The following FAT3 variants were observed in gnomAD, a reference collection of about 807,000 sequenced individuals.
FAT3 encodes the protein protocadherin Fat 3.
A neutral mutation model predicts 310.2 loss-of-function variants in FAT3; 95 were observed. The observed-to-expected ratio is 0.31, with a 90% CI of 0.26 to 0.36. FAT3 has a LOEUF of 0.36. Among genes scored for constraint, FAT3 ranks in the 10% least tolerant of loss-of-function variants. FAT3 has a pLI of 1.00. For synonymous variants in FAT3, 2,314 were observed against 2,192.9 expected (o/e 1.06, Z -1.54); for missense variants, 5,408 against 5,715.6 (o/e 0.95, Z 1.74).
At chr11:92,564,154 G>A (rs955736063) in intron 3 of FAT3, among the ~76,000 whole-genome samples, 2 of 152,158 alleles carry the variant, frequency 1.3e-5, no homozygotes, top group African/African-American at 2.4e-5. Flanking sequence ...CTCACATGCA[G>A]AGACACACAT....
At chr11:92,460,323 C>T (rs1428738692) in intron 2 of FAT3, among the ~76,000 whole-genome samples, 4 of 152,256 alleles carry the variant, frequency 2.6e-5, no homozygotes, top group African/African-American at 9.6e-5. Context: ...AGAGAGGTGC[C>T]ATCTGGGAAA....
chr11:92,765,102 C>T lies in FAT3; in HGVS notation c.4195+13C>T, dbSNP rs369899178. The stretch of plus-strand genomic sequence containing the variant: ...TTTGACATAGTTGGTAAGTTCGAGT[C>T]TTACAGAGCAGTATCATGCAATGTA... On this transcript the variant is annotated intron_variant, in intron 6 of 27. Transcript: ENST00000525166. The T allele has an allele frequency of 6.2e-7, 1 of 1,602,262 alleles. No homozygotes were observed. The highest frequency in any genetic ancestry group is 1.1e-5 in the South Asian group (1 of 90,254).
At chr11:92,715,241 T>C (rs1336218415) in intron 4 of FAT3, among the ~76,000 whole-genome samples, 2 of 116,284 alleles carry the variant, frequency 1.7e-5, no homozygotes, top group Admixed American at 8.9e-5. Flanking sequence ...CCGTCTCCAC[T>C]AAAAAAAAAA....
chr11:92,273,641 G>A (rs745999979), intron 1 of FAT3, among the ~76,000 whole-genome samples: 10 of 152,034 alleles, frequency 6.6e-5, no homozygotes, highest in Non-Finnish European at 1.2e-4. Flanking sequence ...AAAGTCAGAG[G>A]GTCCAGAAGA....
chr11:92,675,241 A>G (rs138587509), intron 3 of FAT3, among the ~76,000 whole-genome samples: 1 of 152,336 alleles, frequency 6.6e-6, no homozygotes, highest in Non-Finnish European at 1.5e-5. Flanking sequence ...AGTTTTAGAG[A>G]GCATCTCATC....
At chr11:92,605,713 A>G (rs1161827585) in intron 3 of FAT3, among the ~76,000 whole-genome samples, 1 of 139,236 alleles carries the variant, frequency 7.2e-6, no homozygotes, top group African/African-American at 2.9e-5. Flanking sequence ...GCAATAAAAT[A>G]GCTATGTTTT....
In FAT3 at chr11:92,353,781, C is replaced by T. The variant is rs756385214; in HGVS notation, c.1669C>T (p.Arg557Cys). ...VRASDWGSPY[R>C]HESEVNVTIR... ...AGCCTCTGACTGGGGTTCACCATACCGCCATGAAAGTGAGGTCAATGTGAC... is the reference window on the plus strand; with the variant it reads ...AGCCTCTGACTGGGGTTCACCATACTGCCATGAAAGTGAGGTCAATGTGAC... The change falls in exon 2 of 28, where the codon CGC becomes TGC. Residue 557 changes from arginine (R) to cysteine (C), a missense_variant. By Grantham distance (180) the Arg-to-Cys change is radical. Coordinates refer to ENST00000525166, the MANE Select transcript of FAT3 (RefSeq NM_001367949.2). 13 of 1,613,512 alleles carry T rather than the reference C, an allele frequency of 8.1e-6. No individual in the cohort carries two copies. The highest frequency in any genetic ancestry group is 6.7e-5 in the Admixed American group (4 of 59,950).
At chr11:92,832,649 T>C (rs1249780829) in intron 14 of FAT3, among the ~76,000 whole-genome samples, 1 of 152,196 alleles carries the variant, frequency 6.6e-6, no homozygotes, top group African/African-American at 2.4e-5. Flanking sequence ...AAATAGTATT[T>C]GTATTCCAAG....
rs759115388 is a variant in FAT3, at chr11:92,866,999, A to G, written c.11917A>G (p.Thr3973Ala). 8.7e-6 allele frequency: 14 copies of G among 1,604,578 alleles called. No individual in the cohort carries two copies. The highest frequency in any genetic ancestry group is 1.2e-5 in the Non-Finnish European group (14 of 1,175,702). Residue 3973 changes from threonine to alanine, a missense_variant, in exon 22 of 28, where the codon ACG becomes GCG. Thr to Ala is a moderately conservative substitution (Grantham distance 58). Coordinates refer to ENST00000525166, the MANE Select transcript of FAT3 (RefSeq NM_001367949.2). ...QADNIRSLTD[T>A]RVTQVLSGFQ... ...GGATAACATCCGCAGCCTGACTGAC[A>G]CGCGGGTCACGCAGGTGCTCAGCGG...
intron 3 of FAT3, among the ~76,000 whole-genome samples, chr11:92,559,183 C>T (rs1053393700): frequency 1.3e-5 from 2 of 151,978 alleles, no homozygotes; most frequent in South Asian, 2.1e-4. Flanking sequence ...TACAATTCAC[C>T]TATTCAGATT....
intron 2 of FAT3, among the ~76,000 whole-genome samples, chr11:92,442,029 C>T (rs1174567159): frequency 6.8e-6 from 1 of 146,808 alleles, no homozygotes; most frequent in African/African-American, 2.6e-5. Flanking sequence ...CCTATTGAAG[C>T]CCTAAAATAA....
intron 17 of FAT3, among the ~76,000 whole-genome samples, chr11:92,839,332 G>A (rs1392148976): frequency 6.6e-6 from 1 of 152,174 alleles, no homozygotes; most frequent in African/African-American, 2.4e-5. Flanking sequence ...CTTCTATGCA[G>A]GAAGCGGCCT....
chr11:92,347,039 C>T (rs913750155), intron 1 of FAT3, among the ~76,000 whole-genome samples: 3 of 152,134 alleles, frequency 2.0e-5, no homozygotes, highest in South Asian at 2.1e-4. Context: ...TAACTCAAAT[C>T]CTATTCGGTA....
intron 2 of FAT3, among the ~76,000 whole-genome samples, chr11:92,471,149 A>G (rs998633930): frequency 6.6e-6 from 1 of 152,112 alleles, no homozygotes; most frequent in Non-Finnish European, 1.5e-5. Flanking sequence ...TGCTTTTAAT[A>G]TTTTCCTATT....
chr11:92,726,119 C>T (rs867854559), intron 4 of FAT3, among the ~76,000 whole-genome samples: 66 of 152,010 alleles, frequency 4.3e-4, no homozygotes, highest in African/African-American at 1.5e-3. Context: ...ACATGTACAT[C>T]AATTATATAC....
intron 3 of FAT3, among the ~76,000 whole-genome samples, chr11:92,542,711 C>G (rs568964155): frequency 1.1e-3 from 172 of 151,776 alleles, no homozygotes; most frequent in African/African-American, 4.0e-3. Context: ...GAAAGGGGAA[C>G]TATTATGCAC....
Position 92,801,668 on chromosome 11 carries a change from A to G in FAT3, c.8655A>G (p.Thr2885=). The change falls in exon 10 of 28, where the codon ACA becomes ACG. Residue 2885 remains threonine, a synonymous_variant. Transcript: ENST00000525166. ...CCTTGAAGGACCTAGATCACGAGAC[A>G]GACCCCACATTCACCTTCTCTGTGG... The part of the protein sequence containing the change: ...ISTLKDLDHE[T]DPTFTFSVVA... 2 of 1,613,922 alleles carry G rather than the reference A, an allele frequency of 1.2e-6. No homozygotes were observed. Among genetic ancestry groups the G allele is most frequent in the Non-Finnish European group, 1.7e-6 (2 of 1,179,848 alleles).
intron 3 of FAT3, among the ~76,000 whole-genome samples, chr11:92,644,161 G>A (rs1942061250): frequency 6.6e-6 from 1 of 152,224 alleles, no homozygotes; most frequent in South Asian, 2.1e-4. Context: ...CAGGCCAGGG[G>A]TGGGGGTGCC....
intron 2 of FAT3, among the ~76,000 whole-genome samples, chr11:92,413,887 C>T (rs1478831079): frequency 2.0e-5 from 3 of 152,178 alleles, no homozygotes; most frequent in South Asian, 4.1e-4. Flanking sequence ...GAAACAGACA[C>T]AGTTTTATTG....
Sources: allele counts gnomAD v4.1 joint callset (sites outside exome capture counted in the v4.1 genomes callset), GRCh38; gene constraint gnomAD v4.1.1; transcripts MANE v1.5; gene names NCBI Gene and HGNC (gene_info 2026-07-23, HGNC 2026-07-21).